LRIF1: variants seen among roughly 807,000 people sequenced by gnomAD.
The protein encoded by LRIF1 is ligand dependent nuclear receptor interacting factor 1, also known as ligand-dependent nuclear receptor-interacting factor 1.
Under a neutral mutation model 52.7 loss-of-function variants are expected in LRIF1, and 32 were observed. The observed-to-expected ratio is 0.61, with a 90% CI of 0.46 to 0.82. The LOEUF is 0.82. Ranked by LOEUF, LRIF1 falls within the 40% of genes least tolerant of loss-of-function variation. The pLI is 0.00. For missense variants in LRIF1, 887 were observed against 892.0 expected, an observed-to-expected ratio of 0.99 and a Z score of 0.07; for synonymous variants, 323 against 317.4, an observed-to-expected ratio of 1.02 and a Z score of -0.19.
rs562970212 is a variant in LRIF1, at chr1:110,963,895, A to C, written c.-207T>G. On this transcript the variant is annotated 5_prime_UTR_variant, in exon 1 of 4. Transcript: ENST00000369763. ...GGGACGAGGTCGCGCACCGCGCAGA[A>C]ACCGGAAGGCTCCTGGCGGTGGACT... 2.3e-6 allele frequency: 1 copy of C among 438,206 alleles called. No homozygotes were observed. Among genetic ancestry groups the C allele is most frequent in the Non-Finnish European group, 4.3e-6 (1 of 233,622 alleles). 27.1% of individuals were successfully genotyped at this position (438,206 alleles called of 1,614,324 possible). A position where few individuals can be genotyped will look rare whatever the true frequency, so the allele number is the denominator to read the frequency against.
chr1:110,957,469 T>A (rs1372826904), intron 1 of LRIF1, among the ~76,000 whole-genome samples: 2 of 9,876 alleles, frequency 2.0e-4, no homozygotes, highest in East Asian at 1.9e-3. Context: ...AGACTCAGTC[T>A]CAAAAAAAAA....
the LRIF1 span, among the ~76,000 whole-genome samples, chr1:110,928,624 C>G: frequency 6.6e-6 from 1 of 151,924 alleles, no homozygotes; most frequent in South Asian, 2.1e-4. Flanking sequence ...TGTTAGAATA[C>G]GAGATTCTAA....
the LRIF1 span, among the ~76,000 whole-genome samples, chr1:110,898,564 G>A: frequency 6.6e-6 from 1 of 152,004 alleles, no homozygotes; most frequent in Non-Finnish European, 1.5e-5. Flanking sequence ...TGCATGTTAA[G>A]GGGCTGATGA....
At chr1:110,897,929 A>C in the LRIF1 span, 2 of 1,205,466 alleles carry the variant, frequency 1.7e-6, no homozygotes, top group Non-Finnish European at 2.4e-6. Flanking sequence ...TGAGGATTAC[A>C]TGAGTTAAGT....
the LRIF1 span, among the ~76,000 whole-genome samples, chr1:110,900,813 A>G: frequency 6.6e-6 from 1 of 152,072 alleles, no homozygotes; most frequent in Non-Finnish European, 1.5e-5. Flanking sequence ...TGTAGCACAT[A>G]GAGATCACTG....
the LRIF1 span, among the ~76,000 whole-genome samples, chr1:110,890,585 G>A: frequency 6.7e-6 from 1 of 150,312 alleles, no homozygotes; most frequent in Non-Finnish European, 1.5e-5. Flanking sequence ...AAGAAAGAGA[G>A]AAAGAGAAAG....
At chr1:110,903,742 G>A in the LRIF1 span, among the ~76,000 whole-genome samples, 1 of 152,186 alleles carries the variant, frequency 6.6e-6, no homozygotes, top group East Asian at 1.9e-4. Flanking sequence ...CTTGAGAAAA[G>A]CGGAGGGAAA....
the LRIF1 span, among the ~76,000 whole-genome samples, chr1:110,905,065 G>A: frequency 6.6e-6 from 1 of 152,050 alleles, no homozygotes; most frequent in Admixed American, 6.6e-5. Flanking sequence ...TTGAAGACAG[G>A]CTATTTGAAA....
chr1:110,922,419 C>T, the LRIF1 span, among the ~76,000 whole-genome samples: 1 of 152,160 alleles, frequency 6.6e-6, no homozygotes, highest in Non-Finnish European at 1.5e-5. Flanking sequence ...TCATGGACTT[C>T]TCAGCCTCCA....
the LRIF1 span, among the ~76,000 whole-genome samples, chr1:110,906,881 A>C: frequency 6.6e-6 from 1 of 152,244 alleles, no homozygotes; most frequent in African/African-American, 2.4e-5. Context: ...GCTCTTGAAG[A>C]AAAAACACCA....
At chr1:110,889,400 A>T in the LRIF1 span, among the ~76,000 whole-genome samples, 2 of 151,976 alleles carry the variant, frequency 1.3e-5, no homozygotes, top group South Asian at 2.1e-4. Flanking sequence ...ACTAAAAAAA[A>T]ATACAAAAAT....
chr1:110,946,806 G>A (rs1350231055), downstream of LRIF1, among the ~76,000 whole-genome samples: 4 of 151,732 alleles, frequency 2.6e-5, no homozygotes, highest in East Asian at 1.9e-4. Context: ...ACAGGTGCCC[G>A]CCACTGTGCC....
At chr1:110,923,645 G>A in the LRIF1 span, among the ~76,000 whole-genome samples, 1 of 152,124 alleles carries the variant, frequency 6.6e-6, no homozygotes, top group African/African-American at 2.4e-5. Context: ...ATGGCAATTA[G>A]AAAATGTTTA....
the LRIF1 span, among the ~76,000 whole-genome samples, chr1:110,927,406 G>A: frequency 2.6e-3 from 403 of 152,234 alleles, 1 homozygote; most frequent in Non-Finnish European, 4.9e-3. Flanking sequence ...TAGTGTGAGC[G>A]AGCAAGAACA....
the LRIF1 span, among the ~76,000 whole-genome samples, chr1:110,900,579 C>A: frequency 2.6e-5 from 4 of 152,004 alleles, no homozygotes; most frequent in Non-Finnish European, 4.4e-5. Context: ...GTTGGCCAGG[C>A]TGGTCTTGAA....
chr1:110,946,897 T>C (rs1057171334), downstream of LRIF1, among the ~76,000 whole-genome samples: 1 of 152,132 alleles, frequency 6.6e-6, no homozygotes, highest in African/African-American at 2.4e-5. Flanking sequence ...CCTCAGGTGA[T>C]CCGCCCGCCT....
the LRIF1 span, among the ~76,000 whole-genome samples, chr1:110,931,229 G>A: frequency 6.6e-6 from 1 of 152,054 alleles, no homozygotes. Context: ...GTGAGAACAT[G>A]CGGTGTTTGG....
chr1:110,884,849 G>A, the LRIF1 span, among the ~76,000 whole-genome samples: 78 of 10,886 alleles, frequency 7.2e-3, no homozygotes, highest in African/African-American at 7.9e-3. Flanking sequence ...TATTTTAAAT[G>A]CATTTTTTTG....
At chr1:110,951,251 GA>G (rs1557838623) in intron 2 of LRIF1, 36 bp downstream of exon 2, 1 of 1,506,808 alleles carries the variant, frequency 6.6e-7, no homozygotes. Flanking sequence ...TTTCTATATA[GA>G]TATATAAAAA....
Sources: allele counts gnomAD v4.1 joint callset (sites outside exome capture counted in the v4.1 genomes callset), GRCh38; gene constraint gnomAD v4.1.1; transcripts MANE v1.5; gene names NCBI Gene and HGNC (gene_info 2026-07-23, HGNC 2026-07-21).